Variants in TDRD3 observed in about 807,000 individuals in gnomAD.
TDRD3 encodes the protein tudor domain-containing protein 3.
Under a neutral mutation model 86.7 loss-of-function variants are expected in TDRD3, and 45 were observed. That is an observed-to-expected ratio of 0.52 (90% CI 0.41 to 0.67). TDRD3 has a LOEUF of 0.67. Ranked by LOEUF, TDRD3 falls within the 30% of genes least tolerant of loss-of-function variation. TDRD3 has a pLI of 0.00. For missense variants in TDRD3, 814 were observed against 889.0 expected (o/e 0.92, Z 1.07); for synonymous variants, 298 against 301.7 (o/e 0.99, Z 0.13).
intron 1 of TDRD3, among the ~76,000 whole-genome samples, chr13:60,423,390 A>G (rs944960547): frequency 2.6e-5 from 4 of 152,196 alleles, no homozygotes; most frequent in Non-Finnish European, 5.9e-5. Flanking sequence ...AGTGGACAAA[A>G]TATAAGGAGG....
intron 5 of TDRD3, among the ~76,000 whole-genome samples, chr13:60,475,434 T>C (rs1259166848): frequency 1.3e-5 from 2 of 152,260 alleles, no homozygotes; most frequent in Admixed American, 1.3e-4. Context: ...TTCATTCTTA[T>C]TTATGGCTGT....
rs190031019 is a variant in TDRD3 at position 60,485,776 on chromosome 13, C to T, written c.568-23C>T. ...ATCTCTTTTGGAACTACTAAGTTGA[C>T]TTATTCTTACTTGTTTTACTAGAAG... is the stretch of plus-strand genomic sequence containing the variant. On this transcript the variant is annotated intron_variant, in intron 6 of 13. Coordinates refer to ENST00000377881, the MANE Select transcript of TDRD3 (RefSeq NM_001146070.2). The T allele has an allele frequency of 3.9e-6, 6 of 1,538,098 alleles. No individual in the cohort carries two copies. The African/African-American group carries it at 4.2e-5, about 11-fold the overall frequency.
chr13:60,527,821 T>C (rs892338614), intron 10 of TDRD3, among the ~76,000 whole-genome samples: 1 of 131,318 alleles, frequency 7.6e-6, no homozygotes, highest in African/African-American at 2.8e-5. Flanking sequence ...AGGATATCTA[T>C]TTGTAACATA....
intron 10 of TDRD3, among the ~76,000 whole-genome samples, chr13:60,523,785 C>G (rs1054001865): frequency 1.9e-4 from 29 of 152,034 alleles, no homozygotes; most frequent in African/African-American, 6.7e-4. Context: ...CCATGTTGGC[C>G]AGACTAGTTT....
At chr13:60,415,130 G>A (rs946129665) in intron 1 of TDRD3, among the ~76,000 whole-genome samples, 19 of 151,932 alleles carry the variant, frequency 1.3e-4, no homozygotes, top group Non-Finnish European at 2.1e-4. Flanking sequence ...AAATTCATGT[G>A]TTGATTTGAC....
At chr13:60,515,245 A>G (rs542485744) in intron 10 of TDRD3, among the ~76,000 whole-genome samples, 11 of 152,216 alleles carry the variant, frequency 7.2e-5, no homozygotes, top group Non-Finnish European at 1.3e-4. Flanking sequence ...TTGCCAAAAT[A>G]AGACCTACCC....
chr13:60,462,686 A>ATTC (rs1955827157), intron 4 of TDRD3, among the ~76,000 whole-genome samples: 1 of 152,026 alleles, frequency 6.6e-6, no homozygotes, highest in Admixed American at 6.6e-5. Flanking sequence ...TATTATTATT[A>ATTC]TTATTACAAT....
At chr13:60,461,896 G>C (rs796902341) in intron 4 of TDRD3, among the ~76,000 whole-genome samples, 28 of 152,194 alleles carry the variant, frequency 1.8e-4, no homozygotes, top group African/African-American at 6.3e-4. Flanking sequence ...AACAGAAAGA[G>C]TGAGAAGTTA....
chr13:60,538,357 A>G (rs1957740801), intron 12 of TDRD3, among the ~76,000 whole-genome samples: 1 of 144,384 alleles, frequency 6.9e-6, no homozygotes, highest in Admixed American at 6.9e-5. Context: ...TCCCTGATTT[A>G]TTTGTTCTAG....
intron 3 of TDRD3, among the ~76,000 whole-genome samples, chr13:60,447,082 T>C (rs1292994315): frequency 3.3e-5 from 5 of 152,238 alleles, no homozygotes; most frequent in African/African-American, 1.2e-4. Context: ...TTTCTAGTTT[T>C]CTTTTTATAT....
intron 1 of TDRD3, among the ~76,000 whole-genome samples, chr13:60,433,311 A>G (rs1955000611): frequency 6.6e-6 from 1 of 152,220 alleles, no homozygotes; most frequent in African/African-American, 2.4e-5. Context: ...TAAAAATATA[A>G]GTAGTCCTCA....
At chr13:60,418,872 C>G (rs1203129968) in intron 1 of TDRD3, among the ~76,000 whole-genome samples, 1 of 152,144 alleles carries the variant, frequency 6.6e-6, no homozygotes, top group Non-Finnish European at 1.5e-5. Context: ...GAGATTCATT[C>G]ATATTCTTGT....
At chr13:60,565,035 C>A (rs1595128243) in intron 12 of TDRD3, among the ~76,000 whole-genome samples, 1 of 132,316 alleles carries the variant, frequency 7.6e-6, no homozygotes, top group Non-Finnish European at 1.6e-5. Context: ...ACCAAACTAT[C>A]AGTATCTTTT....
chr13:60,459,014 C>G (rs1955742031), intron 3 of TDRD3, among the ~76,000 whole-genome samples: 1 of 152,098 alleles, frequency 6.6e-6, no homozygotes. Context: ...CTTGCTTCAA[C>G]TTGGAATTTT....
intron 3 of TDRD3, among the ~76,000 whole-genome samples, chr13:60,448,399 C>T (rs1335636186): frequency 6.6e-6 from 1 of 152,118 alleles, no homozygotes; most frequent in African/African-American, 2.4e-5. Context: ...GTAGAAGTAG[C>T]TTTATTACTA....
chr13:60,526,337 A>G (rs1182630815), intron 10 of TDRD3, among the ~76,000 whole-genome samples: 1 of 152,200 alleles, frequency 6.6e-6, no homozygotes, highest in Non-Finnish European at 1.5e-5. Flanking sequence ...AGTGTGGGCT[A>G]TGTAATACAT....
At chr13:60,466,295 A>AT (rs1330162367) in intron 4 of TDRD3, among the ~76,000 whole-genome samples, 2 of 152,212 alleles carry the variant, frequency 1.3e-5, no homozygotes, top group South Asian at 2.1e-4. Flanking sequence ...AAAAAACAGT[A>AT]TTTTTTCTGT....
Position 60,525,340 on chromosome 13 carries a change from AT to A in TDRD3, c.1142-3022del, listed in dbSNP as rs777561518. Among the ~76,000 whole-genome samples, 233 of 150,712 alleles carry A rather than the reference AT, an allele frequency of 1.5e-3. 1 individual carries two copies. The highest frequency in any genetic ancestry group is 2.0e-3 in the Non-Finnish European group (137 of 67,668). On this transcript the variant is annotated intron_variant, in intron 10 of 13. Coordinates refer to ENST00000377881, the MANE Select transcript of TDRD3 (RefSeq NM_001146070.2). ...AGGGCCGCGCCACCAAGCCTGGCTAATTTTTGCATTTTTAGTAGAGACAGGG... is the reference window on the plus strand; with the variant it reads ...AGGGCCGCGCCACCAAGCCTGGCTAATTTTGCATTTTTAGTAGAGACAGGG...
In TDRD3 at chr13:60,544,852, A is replaced by C. The variant is rs545168231; in HGVS notation, c.2118+9619A>C. 2.0e-5 allele frequency among the ~76,000 whole-genome samples: 3 copies of C among 152,318 alleles called. No homozygotes were observed. In the South Asian group the frequency reaches 6.2e-4, roughly 32 times the overall value. On this transcript the variant is annotated intron_variant, in intron 12 of 13. Coordinates refer to ENST00000377881, the MANE Select transcript of TDRD3 (RefSeq NM_001146070.2). Reference sequence around the variant, plus strand: ...TATAAATAATCAATAGATGTATACTATAAGTACCTTCTCTTTTAAATCTTG... The same window carrying C: ...TATAAATAATCAATAGATGTATACTCTAAGTACCTTCTCTTTTAAATCTTG...
Sources: gnomAD v4.1 joint callset for allele counts (sites outside exome capture counted in the v4.1 genomes callset) on GRCh38, gnomAD v4.1.1 for gene constraint, MANE v1.5 for transcripts, NCBI Gene and HGNC (gene_info 2026-07-23, HGNC 2026-07-21) for gene names.